The following SFTPB variants were observed in gnomAD, a reference collection of about 807,000 sequenced individuals.
SFTPB encodes the protein surfactant protein B, also known as pulmonary surfactant-associated protein B.
In SFTPB, 32 loss-of-function variants were observed where a neutral mutation model predicts 51.0. The ratio of observed to expected loss-of-function variants is 0.63; its 90% confidence interval spans 0.47 to 0.84. The LOEUF (loss-of-function observed/expected upper bound fraction) is 0.84, where lower values mean the gene tolerates loss of function less well. Ranked by LOEUF, SFTPB falls within the 40% of genes least tolerant of loss-of-function variation. SFTPB has a pLI of 0.00. For missense variants in SFTPB, 431 were observed against 491.2 expected (o/e 0.88, Z 1.16); for synonymous variants, 211 against 208.5 (o/e 1.01, Z -0.10).
At position 85,667,106 on chromosome 2, in the gene SFTPB, C is replaced by T; in HGVS notation, c.267G>A (p.Gln89=). 2 of 1,610,470 alleles carry T rather than the reference C, an allele frequency of 1.2e-6. No individual in the cohort carries two copies. The highest frequency in any genetic ancestry group is 1.1e-5 in the South Asian group (1 of 91,000). The change falls in exon 3 of 11, where the codon CAG becomes CAA. Residue 89 remains glutamine, a splice_region_variant and synonymous_variant. Transcript: ENST00000519937. The stretch of plus-strand genomic sequence containing the variant: ...TCATCCAGGATCTGGGCATCATTAC[C>T]TGGAAAATGGCCTCCTTGGCCATCT... ...LNKMAKEAIF[Q]DTMRKFLEQE... is the part of the protein sequence containing the mutation.
intron 4 of SFTPB, 118 bp downstream of exon 4, chr2:85,666,493 CTGTGTG>C (rs59023726): frequency 1.5e-3 from 1,092 of 737,324 alleles, no homozygotes; most frequent in East Asian, 5.1e-3. Context: ...GGCTTGGGTG[CTGTGTG>C]TGTGTGTGTG....
intron 6 of SFTPB, 113 bp from the exon 7 acceptor site, chr2:85,663,960 G>A (rs45456197): frequency 1.0e-6 from 1 of 1,004,608 alleles, no homozygotes. Flanking sequence ...TCTTCTAGAA[G>A]GGAGGGCAAG....
chr2:85,658,571 T>G lies in SFTPB; in HGVS notation c.*1131A>C, dbSNP rs1677149741. 6.6e-6 allele frequency: 1 copy of G among 152,232 alleles called. No individual in the cohort carries two copies. Among genetic ancestry groups the G allele is most frequent in the Non-Finnish European group, 1.5e-5 (1 of 68,100 alleles). 9.4% of individuals were successfully genotyped at this position (152,232 alleles called of 1,614,324 possible). ...CAGGCTGGAGTGCAGTGGTGCAATC[T>G]CGGCTCACTGCAACCTCTGCCTCCT... On this transcript the variant is annotated 3_prime_UTR_variant, in exon 11 of 11. Transcript: ENST00000519937.
rs1233276407 is a variant in SFTPB, at chr2:85,659,040, C to G, written c.*662G>C. 6.6e-6 allele frequency: 1 copy of G among 151,818 alleles called. No individual in the cohort carries two copies. The highest frequency in any genetic ancestry group is 1.5e-5 in the Non-Finnish European group (1 of 68,018). 9.4% of individuals were successfully genotyped at this position (151,818 alleles called of 1,614,324 possible). On this transcript the variant is annotated 3_prime_UTR_variant, in exon 11 of 11. Transcript: ENST00000519937. ...CACCTTACAGAAAGACAAAAAGAAA[C>G]CCCTTTTTATATCTTAACAAAGCAA... is the stretch of plus-strand genomic sequence containing the variant.
intron 6 of SFTPB, 85 bp downstream of exon 6, chr2:85,665,204 G>T (rs1558575636): frequency 9.6e-7 from 1 of 1,036,446 alleles, no homozygotes; most frequent in Non-Finnish European, 1.5e-6. Context: ...CCTGACGGGG[G>T]TGTGAGTTGG....
chr2:85,663,198 C>T, intron 8 of SFTPB, 148 bp downstream of exon 8: 3 of 1,126,550 alleles, frequency 2.7e-6, no homozygotes, highest in African/African-American at 1.5e-5. Flanking sequence ...AACTTACAGT[C>T]CCACCATTGT....
rs1465440064 is a variant in SFTPB, at chr2:85,657,488, C to T, written c.*2214G>A. On this transcript the variant is annotated 3_prime_UTR_variant, in exon 11 of 11. Transcript: ENST00000519937. ...TGAATTGTGTGTCTCATCCCCAGGCCCAAGAGCAGGCTGCATAGACAGCTC... is the reference window on the plus strand; with the variant it reads ...TGAATTGTGTGTCTCATCCCCAGGCTCAAGAGCAGGCTGCATAGACAGCTC... 1.3e-5 allele frequency: 2 copies of T among 152,134 alleles called. No homozygotes were observed. The highest frequency in any genetic ancestry group is 3.9e-4 in the East Asian group (2 of 5,192). The allele number at this position is 152,134 out of a possible 1,614,324, so 9.4% of individuals were successfully genotyped here.
intron 1 of SFTPB, 54 bp downstream of exon 1, chr2:85,668,063 G>C: frequency 7.2e-7 from 1 of 1,398,258 alleles, no homozygotes; most frequent in South Asian, 1.2e-5. Flanking sequence ...GCACAAAGCA[G>C]TGCTCAGTGA....
At chr2:85,659,945 G>T (rs145949286) in intron 10 of SFTPB, among the ~76,000 whole-genome samples, 8 of 152,232 alleles carry the variant, frequency 5.3e-5, no homozygotes, top group Admixed American at 2.0e-4. Context: ...AGGTCTGAGT[G>T]GGGGAGGACC....
At chr2:85,661,874 C>G (rs1192960779) in intron 9 of SFTPB, among the ~76,000 whole-genome samples, 155 bp downstream of exon 9, 1 of 152,164 alleles carries the variant, frequency 6.6e-6, no homozygotes, top group African/African-American at 2.4e-5. Flanking sequence ...ATTTTTTACA[C>G]TGAAACAGAG....
intron 8 of SFTPB, 196 bp from the exon 9 acceptor site, chr2:85,662,305 A>G: frequency 7.0e-7 from 1 of 1,438,528 alleles, no homozygotes; most frequent in South Asian, 1.4e-5. Context: ...TCCATCAGAA[A>G]AGCAGGCGAC....
chr2:85,667,078 C>T (rs767442825), intron 3 of SFTPB, 28 bp downstream of exon 3: 4 of 1,580,900 alleles, frequency 2.5e-6, no homozygotes, highest in Admixed American at 1.7e-5. Flanking sequence ...TGGGCCCCAA[C>T]CTTCATCCAG....
chr2:85,666,182 G>T (rs1677581676), intron 4 of SFTPB, among the ~76,000 whole-genome samples: 1 of 150,746 alleles, frequency 6.6e-6, no homozygotes, highest in Non-Finnish European at 1.5e-5. Context: ...GTGTGTGTGT[G>T]TGTGTGTGGC....
chr2:85,662,138 G>C (rs1178809329), intron 8 of SFTPB, 29 bp from the exon 9 acceptor site: 2 of 1,584,160 alleles, frequency 1.3e-6, no homozygotes, highest in Non-Finnish European at 8.6e-7. Flanking sequence ...AGCTGTGGAG[G>C]GTCCCTTTGC....
chr2:85,663,999 CAG>C (rs1211333054), intron 6 of SFTPB, 152 bp from the exon 7 acceptor site: 1 of 757,150 alleles, frequency 1.3e-6, no homozygotes, highest in Non-Finnish European at 2.1e-6. Context: ...CACTGGGGAT[CAG>C]AGAGTCCAGG....
chr2:85,668,010 C>T, intron 1 of SFTPB, 107 bp downstream of exon 1: 1 of 1,206,074 alleles, frequency 8.3e-7, no homozygotes, highest in Non-Finnish European at 1.2e-6. Flanking sequence ...TGAACCCCAG[C>T]TGCCTTGTCT....
Position 85,665,358 on chromosome 2 carries a change from GA to G in SFTPB, c.602del (p.Phe201SerfsTer14). ...GCCAGCAATAGGGGAGAGGAATGGG[GA>G]ATTGCTGCTCGGAGAGATCCTGGGG... ...PHTQDLSEQQ[F>X]PIPLPYCWLC... On this transcript the variant is annotated frameshift_variant, in exon 6 of 11. Transcript: ENST00000519937. LOFTEE classifies it high-confidence loss of function. The G allele has an allele frequency of 6.2e-7, 1 of 1,614,052 alleles. No individual in the cohort carries two copies. Among genetic ancestry groups the G allele is most frequent in the Non-Finnish European group, 8.5e-7 (1 of 1,179,932 alleles).
chr2:85,666,851 G>T lies in SFTPB; in HGVS notation c.268-109C>A, dbSNP rs1471663006. The T allele has an allele frequency of 1.6e-5, 24 of 1,465,822 alleles. 1 individual carries two copies. In the Admixed American group the frequency reaches 3.9e-4, roughly 24 times the overall value. 90.8% of individuals were successfully genotyped at this position (1,465,822 alleles called of 1,614,324 possible). On this transcript the variant is annotated intron_variant, in intron 3 of 10. Coordinates refer to ENST00000519937, the MANE Select transcript of SFTPB (RefSeq NM_000542.5). ...AGACTGACCCCTAATCCCCCAGGGTGCTGGAGTTCACGAGTGCCAAGGAGT... is the reference window on the plus strand; with the variant it reads ...AGACTGACCCCTAATCCCCCAGGGTTCTGGAGTTCACGAGTGCCAAGGAGT...
chr2:85,660,664 A>G (rs1212370838), intron 10 of SFTPB, among the ~76,000 whole-genome samples: 1 of 152,012 alleles, frequency 6.6e-6, no homozygotes, highest in African/African-American at 2.4e-5. Flanking sequence ...CATGTTGGCC[A>G]GGCTAGTCTC....
Sources: gnomAD v4.1 joint callset for allele counts (sites outside exome capture counted in the v4.1 genomes callset) on GRCh38, gnomAD v4.1.1 for gene constraint, MANE v1.5 for transcripts, NCBI Gene and HGNC (gene_info 2026-07-23, HGNC 2026-07-21) for gene names.